Variants in KAZN observed in about 807,000 individuals in gnomAD.
KAZN encodes the protein kazrin.
KAZN carries 40 observed loss-of-function variants against 87.4 expected under a neutral mutation model. The ratio of observed to expected loss-of-function variants is 0.46; its 90% CI spans 0.36 to 0.60. The LOEUF is 0.60. Among genes scored for constraint, KAZN ranks in the 20% least tolerant of loss-of-function variants. KAZN has a pLI of 0.00. For missense variants in KAZN, 898 were observed against 1,073.9 expected (o/e 0.84, Z 2.29); for synonymous variants, 466 against 458.3 (o/e 1.02, Z -0.22).
intron 2 of KAZN, among the ~76,000 whole-genome samples, chr1:14,326,537 G>A (rs899674240): frequency 6.6e-6 from 1 of 152,156 alleles, no homozygotes. Context: ...CTTGGATCAA[G>A]TTGTGCCTCT....
At chr1:14,474,431 G>A (rs531063105) in intron 2 of KAZN, among the ~76,000 whole-genome samples, 74 of 152,302 alleles carry the variant, frequency 4.9e-4, no homozygotes, top group African/African-American at 1.8e-3. Context: ...TGAGAAAGAA[G>A]GAGCTATCCA....
intron 1 of KAZN, among the ~76,000 whole-genome samples, chr1:14,005,604 C>G (rs1272910586): frequency 1.3e-5 from 2 of 152,110 alleles, no homozygotes; most frequent in Non-Finnish European, 2.9e-5. Flanking sequence ...ATAAACTGAC[C>G]TCTAAAAAAT....
intron 2 of KAZN, among the ~76,000 whole-genome samples, chr1:14,989,273 C>A (rs561687670): frequency 6.6e-6 from 1 of 152,146 alleles, no homozygotes; most frequent in Non-Finnish European, 1.5e-5. Flanking sequence ...GTCAGGAGTT[C>A]GAGACCAGCC....
chr1:14,104,105 T>G (rs918210172), intron 1 of KAZN, among the ~76,000 whole-genome samples: 1 of 152,174 alleles, frequency 6.6e-6, no homozygotes, highest in Non-Finnish European at 1.5e-5. Flanking sequence ...GTTCTCCTTG[T>G]CTACACCCAG....
In KAZN at chr1:14,197,455, A is replaced by C. The variant is rs536989891; in HGVS notation, c.249+16863A>C. ...TGTAATCCCAGCACTTTGGGAGGTG[A>C]ATCAGGTGGATCACCTGAGGTCAGG... On this transcript the variant is annotated intron_variant, in intron 2 of 16. Coordinates refer to the KAZN transcript ENST00000636203. Among the ~76,000 whole-genome samples the C allele has an allele frequency of 5.3e-5, 8 of 151,590 alleles. No individual in the cohort carries two copies. The South Asian group carries it at 1.7e-3, about 32-fold the overall frequency.
intron 4 of KAZN, among the ~76,000 whole-genome samples, chr1:15,044,970 C>A (rs142236468): frequency 6.6e-6 from 1 of 152,288 alleles, no homozygotes; most frequent in Non-Finnish European, 1.5e-5. Flanking sequence ...ACCAAACCCT[C>A]AAAATACTTC....
chr1:14,289,814 G>T (rs1021941234), intron 2 of KAZN, among the ~76,000 whole-genome samples: 1 of 152,168 alleles, frequency 6.6e-6, no homozygotes, highest in Non-Finnish European at 1.5e-5. Context: ...TGCAGTGGCT[G>T]GTACCAGTTG....
At chr1:15,088,294 TG>T in intron 8 of KAZN, among the ~76,000 whole-genome samples, 1 of 152,292 alleles carries the variant, frequency 6.6e-6, no homozygotes, top group Admixed American at 6.5e-5. Context: ...ACCTCTATGC[TG>T]GGCCAACACA....
chr1:14,226,597 C>G (rs1647313595), intron 2 of KAZN, among the ~76,000 whole-genome samples: 1 of 152,156 alleles, frequency 6.6e-6, no homozygotes, highest in Admixed American at 6.5e-5. Flanking sequence ...AAGACACATG[C>G]ACGTGAATGT....
intron 2 of KAZN, among the ~76,000 whole-genome samples, chr1:14,581,497 T>C (rs1201372144): frequency 6.6e-6 from 1 of 152,156 alleles, no homozygotes; most frequent in Non-Finnish European, 1.5e-5. Context: ...TTTCCTGCCT[T>C]CACTTTTGTC....
chr1:14,577,925 C>T (rs1170973781), intron 2 of KAZN, among the ~76,000 whole-genome samples: 3 of 152,134 alleles, frequency 2.0e-5, no homozygotes, highest in Admixed American at 6.5e-5. Flanking sequence ...CTGGGACCCA[C>T]GGTCTAACTG....
At chr1:14,343,826 CTCCTT>C (rs1485136953) in intron 2 of KAZN, among the ~76,000 whole-genome samples, 5 of 152,298 alleles carry the variant, frequency 3.3e-5, no homozygotes, top group African/African-American at 4.8e-5. Context: ...GGCAGCCTCT[CTCCTT>C]TCATTTCCTT....
intron 2 of KAZN, among the ~76,000 whole-genome samples, chr1:14,576,018 C>T (rs1675156227): frequency 1.3e-5 from 2 of 152,072 alleles, no homozygotes; most frequent in Admixed American, 6.6e-5. Flanking sequence ...TTGACAATTC[C>T]GATTCTTACC....
rs577391684 is a variant in KAZN, at chr1:14,786,017, CGTT to C, written c.227-174663_227-174661del. On this transcript the variant is annotated intron_variant, in intron 1 of 14. Coordinates refer to ENST00000376030, the MANE Select transcript of KAZN (RefSeq NM_201628.3). ...AATGTTAATAATGATCTTGCAGAATCGTTGTTAGAATCCAGTGACCTCCTTATG... is the reference window on the plus strand; with the variant it reads ...AATGTTAATAATGATCTTGCAGAATCGTTAGAATCCAGTGACCTCCTTATG... Among the ~76,000 whole-genome samples the C allele has an allele frequency of 3.6e-3, 555 of 152,164 alleles. 3 individuals are homozygous for C. The highest frequency in any genetic ancestry group is 0.013 in the African/African-American group (520 of 41,466).
At chr1:14,381,593 T>C (rs577150793) in intron 2 of KAZN, among the ~76,000 whole-genome samples, 26 of 152,306 alleles carry the variant, frequency 1.7e-4, no homozygotes, top group Admixed American at 1.7e-3. Context: ...TCATTTCAAT[T>C]GATGCTGAAA....
rs553380338 is a variant in KAZN at position 14,868,355 on chromosome 1, G to A, written c.227-92329G>A. 7.2e-5 allele frequency among the ~76,000 whole-genome samples: 11 copies of A among 152,338 alleles called. No individual in the cohort carries two copies. The South Asian group carries it at 2.3e-3, about 32-fold the overall frequency. ...TATTGCATCTATTGGGCAATTAGAG[G>A]GTACCAGGCTGTGGGCTTTCTAACA... On this transcript the variant is annotated intron_variant, in intron 1 of 14. Transcript: ENST00000376030.
At chr1:13,904,012 G>A (rs558542271) in intron 1 of KAZN, among the ~76,000 whole-genome samples, 8 of 152,156 alleles carry the variant, frequency 5.3e-5, no homozygotes, top group Non-Finnish European at 1.2e-4. Context: ...TCCGCACAGA[G>A]ACATGGTAGA....
intron 2 of KAZN, among the ~76,000 whole-genome samples, chr1:14,389,562 A>G (rs1184230847): frequency 6.6e-6 from 1 of 152,236 alleles, no homozygotes; most frequent in Non-Finnish European, 1.5e-5. Context: ...CATGGATGAA[A>G]CTGGAGGCCA....
intron 1 of KAZN, among the ~76,000 whole-genome samples, chr1:14,005,239 G>C (rs74056992): frequency 0.04 from 6,082 of 152,182 alleles, 416 homozygotes; most frequent in African/African-American, 0.14. Flanking sequence ...AGAGTTAGGT[G>C]GTTCTTGCAA....
Sources: allele counts gnomAD v4.1 joint callset (sites outside exome capture counted in the v4.1 genomes callset), GRCh38; gene constraint gnomAD v4.1.1; transcripts MANE v1.5; gene names NCBI Gene and HGNC (gene_info 2026-07-23, HGNC 2026-07-21).